Variants in HACD3 observed in about 807,000 individuals in gnomAD.
The protein encoded by HACD3 is very-long-chain (3R)-3-hydroxyacyl-CoA dehydratase 3.
Under a neutral mutation model 55.2 loss-of-function variants are expected in HACD3, and 30 were observed. The observed-to-expected ratio is 0.54, with a 90% CI of 0.41 to 0.74. The LOEUF is 0.74. HACD3 is among the 30% of genes least tolerant of loss of function. The pLI is 0.00. For missense variants in HACD3, 363 were observed against 440.1 expected (o/e 0.82, Z 1.57); for synonymous variants, 141 against 151.7 (o/e 0.93, Z 0.52).
At chr15:65,558,535 C>T (rs1040253328) in intron 4 of HACD3, 145 bp from the exon 5 acceptor site, 2 of 723,362 alleles carry the variant, frequency 2.8e-6, no homozygotes, top group Non-Finnish European at 4.8e-6. Flanking sequence ...GGCCCTATGA[C>T]CTAGAATATT....
chr15:65,568,929 T>C (rs2072320303), intron 7 of HACD3, among the ~76,000 whole-genome samples: 1 of 151,742 alleles, frequency 6.6e-6, no homozygotes, highest in Non-Finnish European at 1.5e-5. Flanking sequence ...TGAAAATGAG[T>C]GGACTATAGC....
At chr15:65,570,331 T>G in intron 8 of HACD3, 128 bp downstream of exon 8, 1 of 679,428 alleles carries the variant, frequency 1.5e-6, no homozygotes, top group Non-Finnish European at 2.4e-6. Flanking sequence ...TGTGGAGAAT[T>G]CTGGTTGCAC....
intron 1 of HACD3, among the ~76,000 whole-genome samples, chr15:65,550,528 G>A (rs1239292738): frequency 6.6e-6 from 1 of 152,130 alleles, no homozygotes; most frequent in East Asian, 1.9e-4. Context: ...TTCCCACAGG[G>A]AAACTTGCAG....
chr15:65,576,232 C>T, intron 10 of HACD3, 71 bp from the exon 11 acceptor site: 1 of 1,533,158 alleles, frequency 6.5e-7, no homozygotes, highest in South Asian at 1.3e-5. Context: ...AGATACTGTC[C>T]CTGCCACAAG....
chr15:65,568,612 G>C (rs897274245), intron 7 of HACD3, among the ~76,000 whole-genome samples: 1 of 151,960 alleles, frequency 6.6e-6, no homozygotes, highest in African/African-American at 2.4e-5. Flanking sequence ...GCCAGCCTCG[G>C]CCTCCCAAAG....
rs1268748226 is a variant in HACD3, at chr15:65,571,624, C to A, written c.850C>A (p.Pro284Thr). ...ATGGCTTCGTTACACTCTGTGGATT[C>A]CCTTATATCCACTGGGATGTTTGGC... The part of the protein sequence containing the change: ...LTWLRYTLWI[P>T]LYPLGCLAEA... Residue 284 changes from proline (P) to threonine (T), a missense_variant, in exon 9 of 11, where the codon CCC becomes ACC. Physicochemically the swap from Pro to Thr is conservative, Grantham distance 38 (BLOSUM62 -1). Coordinates refer to ENST00000261875, the MANE Select transcript of HACD3 (RefSeq NM_016395.4). 6.2e-7 allele frequency: 1 copy of A among 1,613,324 alleles called. No individual in the cohort carries two copies. The highest frequency in any genetic ancestry group is 8.5e-7 in the Non-Finnish European group (1 of 1,179,344).
At chr15:65,546,457 C>A (rs2072078138) in intron 1 of HACD3, among the ~76,000 whole-genome samples, 1 of 152,122 alleles carries the variant, frequency 6.6e-6, no homozygotes, top group Admixed American at 6.5e-5. Context: ...CAGCAAAAAA[C>A]TATGCATATA....
chr15:65,544,093 C>T (rs1369672851), intron 1 of HACD3, among the ~76,000 whole-genome samples: 12 of 152,106 alleles, frequency 7.9e-5, no homozygotes, highest in African/African-American at 2.4e-4. Context: ...AGGAGAATGG[C>T]GTGAACCCGG....
intron 2 of HACD3, 49 bp downstream of exon 2, chr15:65,551,767 G>T: frequency 6.3e-7 from 1 of 1,593,212 alleles, no homozygotes; most frequent in Non-Finnish European, 8.6e-7. Context: ...TTAAGGAGGT[G>T]TGGTGGTGGT....
chr15:65,549,426 GAAAAAAAAA>G (rs34149100), intron 1 of HACD3, among the ~76,000 whole-genome samples: 5 of 111,064 alleles, frequency 4.5e-5, no homozygotes, highest in Non-Finnish European at 7.1e-5. Flanking sequence ...TCTCTGCTGG[GAAAAAAAAA>G]AAAAAAAAAA....
At chr15:65,569,111 G>C (rs1257505435) in intron 7 of HACD3, among the ~76,000 whole-genome samples, 1 of 152,054 alleles carries the variant, frequency 6.6e-6, no homozygotes, top group African/African-American at 2.4e-5. Context: ...AGCTGAGCGT[G>C]GTGGCGGGCG....
chr15:65,541,417 G>A (rs996307274), intron 1 of HACD3, among the ~76,000 whole-genome samples: 1 of 152,178 alleles, frequency 6.6e-6, no homozygotes, highest in African/African-American at 2.4e-5. Flanking sequence ...AACACACCTT[G>A]TAGTTAAATA....
chr15:65,573,781 A>G (rs74556921), intron 10 of HACD3, among the ~76,000 whole-genome samples: 9,538 of 152,220 alleles, frequency 0.063, 314 homozygotes, highest in African/African-American at 0.091. Context: ...TTTAAGAGCA[A>G]ACTAATACGT....
chr15:65,556,540 C>T (rs2072191967), intron 3 of HACD3, among the ~76,000 whole-genome samples, 199 bp from the exon 4 acceptor site: 1 of 152,162 alleles, frequency 6.6e-6, no homozygotes, highest in South Asian at 2.1e-4. Flanking sequence ...CGATTCCCAA[C>T]AGGCCATGGA....
chr15:65,562,349 A>C (rs2072251792), intron 5 of HACD3, among the ~76,000 whole-genome samples: 1 of 152,214 alleles, frequency 6.6e-6, no homozygotes. Flanking sequence ...AGGGAAGGTC[A>C]TAGAGGGAGA....
intron 10 of HACD3, among the ~76,000 whole-genome samples, chr15:65,573,287 A>ATTT (rs953121558): frequency 6.6e-6 from 1 of 151,904 alleles, no homozygotes; most frequent in Non-Finnish European, 1.5e-5. Context: ...AACTATAAGG[A>ATTT]TTTTTTTTTG....
At chr15:65,540,448 G>A (rs2072009349) in intron 1 of HACD3, among the ~76,000 whole-genome samples, 1 of 152,192 alleles carries the variant, frequency 6.6e-6, no homozygotes, top group Admixed American at 6.5e-5. Flanking sequence ...AAATAGAGTG[G>A]TCAGGGAAGG....
intron 1 of HACD3, among the ~76,000 whole-genome samples, chr15:65,537,961 AT>A (rs2071979827): frequency 1.6e-3 from 7 of 4,418 alleles, no homozygotes; most frequent in African/African-American, 6.9e-3. Flanking sequence ...AAAAAAAAAT[AT>A]ATATATATAT....
chr15:65,558,326 A>G (rs2072213970), intron 4 of HACD3, among the ~76,000 whole-genome samples: 1 of 152,212 alleles, frequency 6.6e-6, no homozygotes, highest in Non-Finnish European at 1.5e-5. Flanking sequence ...AGTCTTGAAA[A>G]ATAAAATAGC....
Sources: gnomAD v4.1 joint callset for allele counts (sites outside exome capture counted in the v4.1 genomes callset) on GRCh38, gnomAD v4.1.1 for gene constraint, MANE v1.5 for transcripts, NCBI Gene and HGNC (gene_info 2026-07-23, HGNC 2026-07-21) for gene names.